The following CECR2 variants were observed in gnomAD, a reference collection of about 807,000 sequenced individuals.
The protein encoded by CECR2 is chromatin remodeling regulator CECR2.
Under a neutral mutation model 154.5 loss-of-function variants are expected in CECR2, and 30 were observed. The ratio of observed to expected loss-of-function variants is 0.19; its 90% CI spans 0.15 to 0.26. The LOEUF is 0.26. CECR2 is among the 10% of genes least tolerant of loss of function. The probability of loss-of-function intolerance (pLI) is 1.00; values close to 1 mark genes in which losing one functional copy is unlikely to be tolerated. For synonymous variants in CECR2, 725 were observed against 683.7 expected, an observed-to-expected ratio of 1.06 and a Z score of -0.94; for missense variants, 1,743 against 1,829.3, an observed-to-expected ratio of 0.95 and a Z score of 0.86.
At chr22:17,511,293 T>A (rs1309773724) in intron 7 of CECR2, among the ~76,000 whole-genome samples, 1 of 152,202 alleles carries the variant, frequency 6.6e-6, no homozygotes, top group African/African-American at 2.4e-5. Flanking sequence ...TCCAGCCTGG[T>A]GCATTTCCTT....
chr22:17,415,277 G>A (rs921055813), intron 1 of CECR2, among the ~76,000 whole-genome samples: 5 of 151,662 alleles, frequency 3.3e-5, no homozygotes, highest in Admixed American at 6.6e-5. Context: ...GGTCTCTGTC[G>A]CCCAGGCTGG....
intron 1 of CECR2, among the ~76,000 whole-genome samples, chr22:17,390,717 C>T (rs1260814516): frequency 6.6e-6 from 1 of 152,158 alleles, no homozygotes; most frequent in African/African-American, 2.4e-5. Context: ...AGCTCAGCAG[C>T]CTCAACCTCG....
upstream of CECR2, among the ~76,000 whole-genome samples, chr22:17,368,048 C>T (rs1004739304): frequency 6.6e-6 from 1 of 152,016 alleles, no homozygotes; most frequent in Admixed American, 6.6e-5. Context: ...GGAGGAGACC[C>T]TTGTTAGAAG....
At chr22:17,423,655 A>G (rs2054290145) in intron 1 of CECR2, among the ~76,000 whole-genome samples, 2 of 152,156 alleles carry the variant, frequency 1.3e-5, no homozygotes, top group African/African-American at 4.8e-5. Context: ...TCTTAGAAGA[A>G]TTGCCCCCTA....
intron 1 of CECR2, among the ~76,000 whole-genome samples, chr22:17,444,616 C>G (rs1379226982): frequency 2.0e-5 from 3 of 150,748 alleles, no homozygotes; most frequent in Non-Finnish European, 3.0e-5. Context: ...GAGACTCCAC[C>G]TAAAAAAAAA....
intron 8 of CECR2, among the ~76,000 whole-genome samples, chr22:17,516,949 C>T (rs529134504): frequency 1.1e-4 from 17 of 150,552 alleles, no homozygotes; most frequent in African/African-American, 3.4e-4. Context: ...CTCACTCTGT[C>T]GCCCAGGCTG....
chr22:17,481,118 C>T (rs2055307617), intron 2 of CECR2, among the ~76,000 whole-genome samples: 1 of 148,268 alleles, frequency 6.7e-6, no homozygotes, highest in Non-Finnish European at 1.5e-5. Context: ...TGGAGGCGGG[C>T]AGATCACGAG....
intron 2 of CECR2, among the ~76,000 whole-genome samples, chr22:17,486,108 T>C (rs947649819): frequency 2.0e-5 from 3 of 152,192 alleles, no homozygotes; most frequent in Admixed American, 6.5e-5. Flanking sequence ...GCCTCCTAAG[T>C]AGCTGAGATG....
chr22:17,435,006 A>G (rs187149365), intron 1 of CECR2, among the ~76,000 whole-genome samples: 2 of 152,290 alleles, frequency 1.3e-5, no homozygotes, highest in Non-Finnish European at 2.9e-5. Flanking sequence ...CTGCAGGGCC[A>G]GACAGGTAAC....
At chr22:17,405,675 T>A (rs1348684051) in intron 1 of CECR2, among the ~76,000 whole-genome samples, 2 of 149,792 alleles carry the variant, frequency 1.3e-5, no homozygotes, top group African/African-American at 4.9e-5. Flanking sequence ...AATTTTCAAT[T>A]GTTTGCTAGT....
At chr22:17,505,196 G>A (rs1451700520) in intron 7 of CECR2, among the ~76,000 whole-genome samples, 180 bp downstream of exon 7, 1 of 151,960 alleles carries the variant, frequency 6.6e-6, no homozygotes, top group Non-Finnish European at 1.5e-5. Context: ...TTCACTGTGG[G>A]TCCTATCATG....
intron 1 of CECR2, among the ~76,000 whole-genome samples, chr22:17,380,829 T>C (rs562022880): frequency 6.6e-6 from 1 of 152,328 alleles, no homozygotes; most frequent in African/African-American, 2.4e-5. Context: ...AAGAGTGTTT[T>C]CTTCTCCTGG....
In CECR2 at chr22:17,383,657, CTTTTTTTTTT is replaced by C. The variant is rs57665657; in HGVS notation, c.126+13761_126+13770del. On this transcript the variant is annotated intron_variant, in intron 1 of 18. Transcript: ENST00000262608. ...TAATTTAGTCACATCTTCAGGTCCA[CTTTTTTTTTT>C]TTTTTTTTTTTTGAAGTGGAGTCTT... is the stretch of plus-strand genomic sequence containing the variant. 3.8e-4 allele frequency among the ~76,000 whole-genome samples: 40 copies of C among 104,310 alleles called. No individual in the cohort carries two copies. The East Asian group carries it at 8.3e-3, about 22-fold the overall frequency. The allele number at this position is 104,310 out of a possible 152,430, so 68.4% of individuals were successfully genotyped here. A position where few individuals can be genotyped will look rare whatever the true frequency, so the allele number is the denominator to read the frequency against.
intron 5 of CECR2, among the ~76,000 whole-genome samples, 167 bp downstream of exon 5, chr22:17,500,902 T>C (rs1029405017): frequency 6.6e-6 from 1 of 152,200 alleles, no homozygotes; most frequent in Non-Finnish European, 1.5e-5. Flanking sequence ...AGGAAGCCCT[T>C]AGTGTGTGAC....
intron 1 of CECR2, among the ~76,000 whole-genome samples, chr22:17,424,182 C>T (rs1023452187): frequency 3.9e-5 from 6 of 152,042 alleles, no homozygotes; most frequent in African/African-American, 1.4e-4. Flanking sequence ...AAGCAATCCT[C>T]CTGCCTCAGC....
chr22:17,519,507 C>T, intron 8 of CECR2, among the ~76,000 whole-genome samples: 1 of 152,118 alleles, frequency 6.6e-6, no homozygotes, highest in East Asian at 1.9e-4. Context: ...AACCACCCAC[C>T]TCGGCCTCCC....
Position 17,436,682 on chromosome 22 carries a change from G to A in CECR2, c.127-40906G>A, listed in dbSNP as rs966781818. Among the ~76,000 whole-genome samples the A allele has an allele frequency of 3.3e-5, 5 of 152,228 alleles. No individual in the cohort carries two copies. In the East Asian group the frequency reaches 7.7e-4, roughly 23 times the overall value. On this transcript the variant is annotated intron_variant, in intron 1 of 18. Transcript: ENST00000262608. ...TCTCCCCAGACAGGGAAGTCCTGCG[G>A]GACCAGTATCAGTCCTCAGTCAGGA... is the stretch of plus-strand genomic sequence containing the variant.
At position 17,539,077 on chromosome 22, in the gene CECR2, A is replaced by T. The variant is rs1271121594; in HGVS notation, c.1453A>T (p.Thr485Ser). The T allele has an allele frequency of 6.2e-7, 1 of 1,613,764 alleles. No homozygotes were observed. Among genetic ancestry groups the T allele is most frequent in the Non-Finnish European group, 8.5e-7 (1 of 1,179,834 alleles). ...TKEEFVNDMKTMFRNCRKYNG... is the reference protein window; with the variant it reads ...TKEEFVNDMKSMFRNCRKYNG... Reference sequence around the variant, plus strand: ...GGAGGAATTTGTAAATGACATGAAGACCATGTTCAGGAATTGTCGAAAGTA... The same window carrying T: ...GGAGGAATTTGTAAATGACATGAAGTCCATGTTCAGGAATTGTCGAAAGTA... The change falls in exon 13 of 19, where the codon ACC (threonine) becomes TCC (serine). Residue 485 changes from threonine to serine, a missense_variant. Around this residue, in one of 4 missense-constraint regions of CECR2, gnomAD observed 103 missense variants for 166.8 expected, o/e 0.62. Coordinates refer to ENST00000262608, the MANE Select transcript of CECR2 (RefSeq NM_001290047.2).
At chr22:17,382,831 G>C (rs1399033037) in intron 1 of CECR2, among the ~76,000 whole-genome samples, 1 of 152,182 alleles carries the variant, frequency 6.6e-6, no homozygotes, top group Non-Finnish European at 1.5e-5. Flanking sequence ...CTTGAGTCCA[G>C]GAGGCGGAGG....
Sources: gnomAD v4.1 joint callset for allele counts (sites outside exome capture counted in the v4.1 genomes callset) on GRCh38, gnomAD v4.1.1 for gene constraint, gnomAD v4.1.1 regional missense constraint, MANE v1.5 for transcripts, NCBI Gene and HGNC (gene_info 2026-07-23, HGNC 2026-07-21) for gene names.